Variants in STXBP5L observed in about 807,000 individuals in gnomAD.
The protein encoded by STXBP5L is syntaxin-binding protein 5-like.
Under a neutral mutation model 144.5 loss-of-function variants are expected in STXBP5L, and 65 were observed. The ratio of observed to expected loss-of-function variants is 0.45; its 90% CI spans 0.37 to 0.55. The LOEUF is 0.55. Ranked by LOEUF, STXBP5L falls within the 20% of genes least tolerant of loss-of-function variation. STXBP5L has a pLI of 0.00. For synonymous variants in STXBP5L, 505 were observed against 469.6 expected (o/e 1.08, Z -0.97); for missense variants, 1,298 against 1,405.5 (o/e 0.92, Z 1.22).
rs1047192899 is a variant in STXBP5L, at chr3:121,421,353, G to T, written c.*2256G>T. 6.7e-6 allele frequency: 1 copy of T among 149,710 alleles called. No individual in the cohort carries two copies. Among genetic ancestry groups the T allele is most frequent in the Non-Finnish European group, 1.5e-5 (1 of 68,016 alleles). 9.3% of individuals were successfully genotyped at this position (149,710 alleles called of 1,614,324 possible). A position where few individuals can be genotyped will look rare whatever the true frequency, so the allele number is the denominator to read the frequency against. ...TGATCTACATCGAGATTTCTCAAAA[G>T]CAGCACTATTAGCTGAAAGTCTTTG... On this transcript the variant is annotated 3_prime_UTR_variant, in exon 27 of 27. Coordinates refer to ENST00000471454, the MANE Select transcript of STXBP5L (RefSeq NM_001308330.2).
chr3:121,051,038 T>C (rs554266663), intron 5 of STXBP5L, among the ~76,000 whole-genome samples: 1,824 of 152,276 alleles, frequency 0.012, 36 homozygotes, highest in African/African-American at 0.041. Context: ...GAGCTAACTA[T>C]CCTAAATATA....
intron 5 of STXBP5L, among the ~76,000 whole-genome samples, chr3:121,055,861 T>G (rs1948424216): frequency 6.6e-6 from 1 of 151,114 alleles, no homozygotes; most frequent in Admixed American, 6.6e-5. Context: ...ATGTTAATTT[T>G]TTTTTTTTTT....
intron 5 of STXBP5L, among the ~76,000 whole-genome samples, chr3:121,109,762 A>T (rs2043890902): frequency 6.6e-6 from 1 of 152,154 alleles, no homozygotes; most frequent in Admixed American, 6.6e-5. Context: ...TTGAGTCCTG[A>T]AGATTCTTAT....
At chr3:120,945,676 A>G (rs1710812568) in intron 2 of STXBP5L, among the ~76,000 whole-genome samples, 1 of 151,828 alleles carries the variant, frequency 6.6e-6, no homozygotes, top group Admixed American at 6.6e-5. Flanking sequence ...CGAAGCTGGT[A>G]TTGGCAAAAG....
chr3:121,151,958 T>C (rs909272923), intron 7 of STXBP5L, among the ~76,000 whole-genome samples: 13 of 93,668 alleles, frequency 1.4e-4, no homozygotes, highest in African/African-American at 4.3e-4. Flanking sequence ...TAAAAATAAA[T>C]ATTAATCTTT....
intron 3 of STXBP5L, among the ~76,000 whole-genome samples, chr3:120,981,112 C>G (rs1447595945): frequency 2.0e-5 from 3 of 151,930 alleles, no homozygotes; most frequent in African/African-American, 7.2e-5. Context: ...CTGATTAGCC[C>G]CTTCTTTCTT....
Position 120,988,685 on chromosome 3 carries a change from A to T in STXBP5L, c.287+33648A>T, listed in dbSNP as rs994250768. On this transcript the variant is annotated intron_variant, in intron 3 of 26. Transcript: ENST00000471454. ...TTTTCTTTAAAAAATTTTTTTAGAG[A>T]TGAAAGGGGTACAAGTGCAGTTTTG... 9.9e-5 allele frequency among the ~76,000 whole-genome samples: 15 copies of T among 152,154 alleles called. No individual in the cohort carries two copies. In the South Asian group the frequency reaches 3.1e-3, roughly 32 times the overall value.
chr3:121,420,214 TGA>T lies in STXBP5L; in HGVS notation c.*1118_*1119del, dbSNP rs1289090481. On this transcript the variant is annotated 3_prime_UTR_variant, in exon 27 of 27. Coordinates refer to ENST00000471454, the MANE Select transcript of STXBP5L (RefSeq NM_001308330.2). ...AAGGGATTCTGATTTATGACATTTC[TGA>T]TTTACAAGGGCTTTCCTTAGAAAAT... 6.6e-6 allele frequency: 1 copy of T among 152,204 alleles called. No homozygotes were observed. Among genetic ancestry groups the T allele is most frequent in the Non-Finnish European group, 1.5e-5 (1 of 68,028 alleles). 9.4% of individuals were successfully genotyped at this position (152,204 alleles called of 1,614,324 possible).
intron 3 of STXBP5L, among the ~76,000 whole-genome samples, chr3:120,966,929 C>G (rs1939651067): frequency 6.6e-6 from 1 of 152,152 alleles, no homozygotes; most frequent in Non-Finnish European, 1.5e-5. Flanking sequence ...GGCAGTAGAG[C>G]TTGTTGAGCT....
At chr3:121,069,205 A>G (rs928649457) in intron 5 of STXBP5L, among the ~76,000 whole-genome samples, 1 of 152,106 alleles carries the variant, frequency 6.6e-6, no homozygotes, top group Non-Finnish European at 1.5e-5. Context: ...TGCTCTCCAT[A>G]TTTATAATTT....
At chr3:120,987,201 C>G (rs1329792277) in intron 3 of STXBP5L, among the ~76,000 whole-genome samples, 1 of 151,882 alleles carries the variant, frequency 6.6e-6, no homozygotes, top group Admixed American at 6.6e-5. Flanking sequence ...AGATGCCAAA[C>G]AATTTTCCAG....
At chr3:121,153,413 T>C (rs768016747) in intron 8 of STXBP5L, among the ~76,000 whole-genome samples, 12 of 151,980 alleles carry the variant, frequency 7.9e-5, no homozygotes, top group Non-Finnish European at 1.8e-4. Flanking sequence ...GGAAAATATA[T>C]GTCAAAAATT....
intron 2 of STXBP5L, among the ~76,000 whole-genome samples, chr3:120,914,010 G>T (rs1170301232): frequency 6.6e-6 from 1 of 151,994 alleles, no homozygotes; most frequent in South Asian, 2.1e-4. Flanking sequence ...TAGTGAAAGA[G>T]TTGATACCAC....
In STXBP5L at chr3:121,421,465, T is replaced by C. The variant is rs1417323805; in HGVS notation, c.*2368T>C. On this transcript the variant is annotated 3_prime_UTR_variant, in exon 27 of 27. Coordinates refer to ENST00000471454, the MANE Select transcript of STXBP5L (RefSeq NM_001308330.2). ...GATGCCAGTAAGAACCTCCTAGTAA[T>C]GACAATCAAAATGTCTCCAGTCATT... 1 of 152,150 alleles carries C rather than the reference T, an allele frequency of 6.6e-6. No homozygotes were observed. Among genetic ancestry groups the C allele is most frequent in the African/African-American group, 2.4e-5 (1 of 41,434 alleles). The allele number at this position is 152,150 out of a possible 1,614,324, so 9.4% of individuals were successfully genotyped here. A position where few individuals can be genotyped will look rare whatever the true frequency, so the allele number is the denominator to read the frequency against.
intron 5 of STXBP5L, among the ~76,000 whole-genome samples, chr3:121,078,149 T>C (rs1001199790): frequency 2.0e-5 from 3 of 151,622 alleles, no homozygotes; most frequent in African/African-American, 7.3e-5. Context: ...AGAGCATCAA[T>C]TGGTGCATTC....
intron 3 of STXBP5L, among the ~76,000 whole-genome samples, chr3:120,994,636 T>C (rs1273990965): frequency 6.6e-6 from 1 of 152,202 alleles, no homozygotes; most frequent in African/African-American, 2.4e-5. Context: ...TAAATCCTAC[T>C]TGATCATGCT....
At chr3:121,014,435 G>A (rs1245208978) in intron 3 of STXBP5L, among the ~76,000 whole-genome samples, 1 of 151,794 alleles carries the variant, frequency 6.6e-6, no homozygotes, top group Non-Finnish European at 1.5e-5. Flanking sequence ...TCTGTCTGAG[G>A]TATTTCCTTC....
At chr3:121,351,903 G>T (rs1170395798) in intron 20 of STXBP5L, among the ~76,000 whole-genome samples, 1 of 152,108 alleles carries the variant, frequency 6.6e-6, no homozygotes, top group Non-Finnish European at 1.5e-5. Context: ...TTTACAGATG[G>T]CTAGCCAGTT....
At chr3:121,315,666 A>T (rs1460117413) in intron 19 of STXBP5L, among the ~76,000 whole-genome samples, 1 of 151,328 alleles carries the variant, frequency 6.6e-6, no homozygotes, top group African/African-American at 2.4e-5. Flanking sequence ...TCATCAAAGT[A>T]AAAAAAAATC....
Sources: gnomAD v4.1 joint callset for allele counts (sites outside exome capture counted in the v4.1 genomes callset) on GRCh38, gnomAD v4.1.1 for gene constraint, MANE v1.5 for transcripts, NCBI Gene and HGNC (gene_info 2026-07-23, HGNC 2026-07-21) for gene names.